Variants in ERBB4 observed in about 807,000 individuals in gnomAD.
ERBB4 encodes the protein receptor tyrosine-protein kinase erbB-4.
Under a neutral mutation model 158.0 loss-of-function variants are expected in ERBB4, and 42 were observed. The observed-to-expected ratio is 0.27, with a 90% CI of 0.21 to 0.34. The LOEUF (loss-of-function observed/expected upper bound fraction) is 0.34, where lower values mean the gene tolerates loss of function less well. ERBB4 is among the 10% of genes least tolerant of loss of function. The pLI is 1.00. For synonymous variants in ERBB4, 583 were observed against 558.7 expected (o/e 1.04, Z -0.61); for missense variants, 1,333 against 1,624.1 (o/e 0.82, Z 3.08).
chr2:212,014,197 A>G (rs1189931853), intron 2 of ERBB4, among the ~76,000 whole-genome samples: 1 of 152,194 alleles, frequency 6.6e-6, no homozygotes, highest in Non-Finnish European at 1.5e-5. Context: ...TTAACAAAAT[A>G]AAGCCAAAGT....
chr2:211,978,396 G>GTCTT (rs77259627), intron 2 of ERBB4, among the ~76,000 whole-genome samples: 1,392 of 136,650 alleles, frequency 0.01, 12 homozygotes, highest in South Asian at 0.039. Flanking sequence ...CTGTCTGTCT[G>GTCTT]TCTATCTATC....
intron 1 of ERBB4, among the ~76,000 whole-genome samples, chr2:212,429,606 C>A (rs1438842931): frequency 6.6e-6 from 1 of 152,156 alleles, no homozygotes; most frequent in Non-Finnish European, 1.5e-5. Context: ...ATTTTCTTCT[C>A]CCTTACAGTA....
At chr2:211,903,042 A>G (rs75556861) in intron 3 of ERBB4, among the ~76,000 whole-genome samples, 9,187 of 152,070 alleles carry the variant, frequency 0.06, 439 homozygotes, top group Middle Eastern at 0.095. Flanking sequence ...AATGTCTCAT[A>G]TATAGCTCTT....
At chr2:211,927,904 T>C (rs1038805564) in intron 3 of ERBB4, among the ~76,000 whole-genome samples, 1 of 152,142 alleles carries the variant, frequency 6.6e-6, no homozygotes, top group Non-Finnish European at 1.5e-5. Flanking sequence ...TACTTTTCTA[T>C]AATTTCCTCT....
intron 9 of ERBB4, among the ~76,000 whole-genome samples, chr2:211,709,015 C>A (rs2106067106): frequency 6.6e-6 from 1 of 151,944 alleles, no homozygotes; most frequent in South Asian, 2.1e-4. Flanking sequence ...AGCTGATTTT[C>A]CATAAGTAAT....
intron 20 of ERBB4, among the ~76,000 whole-genome samples, chr2:211,558,566 A>G (rs1442024323): frequency 6.6e-6 from 1 of 152,206 alleles, no homozygotes; most frequent in African/African-American, 2.4e-5. Flanking sequence ...AACCTACCAC[A>G]GGTAGATACC....
chr2:212,174,748 G>GT (rs2081610452), intron 1 of ERBB4, among the ~76,000 whole-genome samples: 2 of 151,970 alleles, frequency 1.3e-5, no homozygotes, highest in Non-Finnish European at 1.5e-5. Flanking sequence ...ACAACTTTCA[G>GT]TTTTTTCTTA....
chr2:212,082,324 AAC>A (rs1419436501), intron 2 of ERBB4, among the ~76,000 whole-genome samples: 1 of 152,098 alleles, frequency 6.6e-6, no homozygotes, highest in Non-Finnish European at 1.5e-5. Flanking sequence ...ATTTTTAAGA[AAC>A]AAGGAGAAAA....
chr2:212,332,276 C>T (rs749122597), intron 1 of ERBB4, among the ~76,000 whole-genome samples: 27 of 152,028 alleles, frequency 1.8e-4, no homozygotes, highest in Non-Finnish European at 3.4e-4. Context: ...TCTCTCCTGA[C>T]GCCGCCATGG....
In ERBB4 at chr2:211,571,038, C is replaced by T. The variant is rs200498292; in HGVS notation, c.2302-8950G>A. ...GATTTTTCACTCTCTGAGTACTCTT[C>T]TTCTTTTTTTTTTTTTTTTTTTTGA... On this transcript the variant is annotated intron_variant, in intron 19 of 27. Coordinates refer to ENST00000342788, the MANE Select transcript of ERBB4 (RefSeq NM_005235.3). 4.1e-3 allele frequency among the ~76,000 whole-genome samples: 240 copies of T among 58,720 alleles called. 5 individuals are homozygous for T. Among genetic ancestry groups the T allele is most frequent in the African/African-American group, 0.01 (134 of 13,180 alleles). 38.5% of individuals were successfully genotyped at this position (58,720 alleles called of 152,430 possible).
At chr2:211,635,382 G>T (rs1012407358) in intron 16 of ERBB4, among the ~76,000 whole-genome samples, 1 of 152,108 alleles carries the variant, frequency 6.6e-6, no homozygotes, top group Non-Finnish European at 1.5e-5. Context: ...ACAATGAAAT[G>T]GATTAAATTC....
At chr2:212,328,453 T>A (rs2087966867) in intron 1 of ERBB4, among the ~76,000 whole-genome samples, 1 of 152,172 alleles carries the variant, frequency 6.6e-6, no homozygotes, top group African/African-American at 2.4e-5. Flanking sequence ...TTAAGGAATT[T>A]TGACTTCATC....
chr2:212,427,689 G>C (rs1179057806), intron 1 of ERBB4, among the ~76,000 whole-genome samples: 3 of 152,148 alleles, frequency 2.0e-5, no homozygotes, highest in Admixed American at 6.6e-5. Context: ...TGAGTAGTTA[G>C]AGAATAAAGG....
At chr2:212,325,826 G>A (rs908961125) in intron 1 of ERBB4, among the ~76,000 whole-genome samples, 1 of 150,482 alleles carries the variant, frequency 6.6e-6, no homozygotes, top group African/African-American at 2.4e-5. Context: ...TTTGGGTTGG[G>A]GGAGAGGTGT....
intron 2 of ERBB4, among the ~76,000 whole-genome samples, chr2:211,997,288 C>T (rs2082222591): frequency 6.6e-6 from 1 of 151,916 alleles, no homozygotes; most frequent in Admixed American, 6.6e-5. Context: ...ATAAAAATTT[C>T]CTCAACTTCT....
chr2:211,424,700 A>G (rs1643037112), intron 22 of ERBB4, among the ~76,000 whole-genome samples: 1 of 152,162 alleles, frequency 6.6e-6, no homozygotes, highest in African/African-American at 2.4e-5. Flanking sequence ...TTGCCAGTAA[A>G]ATAAGATATT....
At chr2:211,665,712 T>G (rs2071606336) in intron 14 of ERBB4, among the ~76,000 whole-genome samples, 1 of 152,220 alleles carries the variant, frequency 6.6e-6, no homozygotes, top group East Asian at 1.9e-4. Flanking sequence ...ACTATAATAA[T>G]GTATTTGTGC....
Position 211,679,104 on chromosome 2 carries a change from G to T in ERBB4, c.1570C>A (p.Arg524Ser). 6.2e-7 allele frequency: 1 copy of T among 1,613,432 alleles called. No homozygotes were observed. Among genetic ancestry groups the T allele is most frequent in the Non-Finnish European group, 8.5e-7 (1 of 1,179,762 alleles). ...CAGATCCTTCCTCTACTGAAGCGGC[G>T]ACACGACAGACATTGGTCTGGCCCA... ...GPGPDQCLSCRRFSRGRICIE... is the reference protein window; with the variant it reads ...GPGPDQCLSCSRFSRGRICIE... The change falls in exon 13 of 28, where the codon CGC becomes AGC. Residue 524 changes from arginine (R) to serine (S), a missense_variant. Arg to Ser is a moderately radical substitution (Grantham distance 110). Around this residue, in one of 5 missense-constraint regions of ERBB4, gnomAD observed 245 missense variants for 247.5 expected, o/e 0.99. Coordinates refer to ENST00000342788, the MANE Select transcript of ERBB4 (RefSeq NM_005235.3).
chr2:212,442,495 G>A lies in ERBB4; in HGVS notation c.82+95954C>T, dbSNP rs1255245759. On this transcript the variant is annotated intron_variant, in intron 1 of 27. Transcript: ENST00000342788. ...ATGGTCAGATATTTTGGGGACTCCT[G>A]GGCACTGGCTCTGAACTGACGTTGA... is the stretch of plus-strand genomic sequence containing the variant. 2.6e-5 allele frequency among the ~76,000 whole-genome samples: 4 copies of A among 152,230 alleles called. No homozygotes were observed. The South Asian group carries it at 6.2e-4, about 24-fold the overall frequency.
Sources: gnomAD v4.1 joint callset for allele counts (sites outside exome capture counted in the v4.1 genomes callset) on GRCh38, gnomAD v4.1.1 for gene constraint, gnomAD v4.1.1 regional missense constraint, MANE v1.5 for transcripts, NCBI Gene and HGNC (gene_info 2026-07-23, HGNC 2026-07-21) for gene names.